The following PDE4D variants were observed in gnomAD, a reference collection of about 807,000 sequenced individuals.
PDE4D encodes 3',5'-cyclic-AMP phosphodiesterase 4D.
A neutral mutation model predicts 87.4 loss-of-function variants in PDE4D; 24 were observed. The ratio of observed to expected loss-of-function variants is 0.27; its 90% confidence interval spans 0.20 to 0.39. The LOEUF (loss-of-function observed/expected upper bound fraction) is 0.39. Ranked by LOEUF, PDE4D falls within the 10% of genes least tolerant of loss-of-function variation. PDE4D has a pLI of 1.00. For synonymous variants in PDE4D, 384 were observed against 383.2 expected (o/e 1.00, Z -0.02); for missense variants, 714 against 1,041.0 (o/e 0.69, Z 4.32).
chr5:59,897,043 A>C (rs1276017567), upstream of PDE4D, among the ~76,000 whole-genome samples: 1 of 152,230 alleles, frequency 6.6e-6, no homozygotes, highest in Non-Finnish European at 1.5e-5. Context: ...GATTTTTGTG[A>C]AGCATTGGGT....
intron 1 of PDE4D, among the ~76,000 whole-genome samples, chr5:59,237,372 T>G (rs889707070): frequency 1.3e-5 from 2 of 152,214 alleles, no homozygotes; most frequent in Non-Finnish European, 2.9e-5. Flanking sequence ...ATTTGCCAAT[T>G]TCTTTACATC....
intron 1 of PDE4D, among the ~76,000 whole-genome samples, chr5:59,219,173 A>G (rs138365025): frequency 3.7e-4 from 55 of 150,396 alleles, no homozygotes; most frequent in African/African-American, 1.3e-3. Flanking sequence ...GTGCACATGT[A>G]CCCTAAAACT....
At position 59,649,904 on chromosome 5, in the gene PDE4D, C is replaced by CTT. The variant is rs1561402852; in HGVS notation, c.455+243263_455+243264insAA. On this transcript the variant is annotated intron_variant, in intron 1 of 14. Transcript: ENST00000340635. ...TGTTAAAATGTTGATAGTTTGTGAA[C>CTT]CTTTTTTTTTTTTTTTTTTTTTTTT... 3.2e-4 allele frequency among the ~76,000 whole-genome samples: 24 copies of CTT among 73,974 alleles called. 6 individuals are homozygous for CTT. Among genetic ancestry groups the CTT allele is most frequent in the South Asian group, 1.7e-3 (3 of 1,726 alleles). 48.5% of individuals were successfully genotyped at this position (73,974 alleles called of 152,430 possible). A position where few individuals can be genotyped will look rare whatever the true frequency, so the allele number is the denominator to read the frequency against.
chr5:59,674,835 C>T (rs1171521424), intron 1 of PDE4D, among the ~76,000 whole-genome samples: 1 of 152,152 alleles, frequency 6.6e-6, no homozygotes, highest in Non-Finnish European at 1.5e-5. Context: ...GAAACAGGTG[C>T]TTTTGGCATT....
At chr5:59,627,939 A>G (rs553829419) in intron 1 of PDE4D, among the ~76,000 whole-genome samples, 119 of 152,334 alleles carry the variant, frequency 7.8e-4, no homozygotes, top group African/African-American at 2.8e-3. Flanking sequence ...AGTAAGGGAT[A>G]TCTCAGTTCA....
rs1349885843 is a variant in PDE4D, at chr5:59,396,836, C to G, written c.456-180868G>C. Among the ~76,000 whole-genome samples, 299 of 115,674 alleles carry G rather than the reference C, an allele frequency of 2.6e-3. 87 individuals are homozygous for G. Among genetic ancestry groups the G allele is most frequent in the African/African-American group, 0.01 (291 of 28,342 alleles). 75.9% of individuals were successfully genotyped at this position (115,674 alleles called of 152,430 possible). On this transcript the variant is annotated intron_variant, in intron 1 of 14. Coordinates refer to ENST00000340635, the MANE Select transcript of PDE4D (RefSeq NM_001104631.2). ...CATCAGTGTGCTGTATTCAGGAAACCCATCTCACATGCAGAGACACACATA... is the reference window on the plus strand; with the variant it reads ...CATCAGTGTGCTGTATTCAGGAAACGCATCTCACATGCAGAGACACACATA...
intron 1 of PDE4D, among the ~76,000 whole-genome samples, chr5:59,826,380 C>T (rs1300127210): frequency 5.9e-5 from 9 of 152,136 alleles, no homozygotes; most frequent in African/African-American, 1.9e-4. Context: ...GTATGAGATT[C>T]GCGTTGCTTC....
intron 1 of PDE4D, among the ~76,000 whole-genome samples, chr5:59,780,666 T>C (rs1042632118): frequency 6.6e-6 from 1 of 152,192 alleles, no homozygotes; most frequent in African/African-American, 2.4e-5. Context: ...TTTGTGTAAC[T>C]TTTTCCTTGA....
At chr5:59,934,293 T>G (rs1286382492) in intron 3 of PDE4D, among the ~76,000 whole-genome samples, 1 of 152,156 alleles carries the variant, frequency 6.6e-6, no homozygotes. Flanking sequence ...TAAAAGGCAT[T>G]GAGTTTTGTC....
chr5:59,671,055 T>C (rs1285842913), intron 1 of PDE4D, among the ~76,000 whole-genome samples: 1 of 152,206 alleles, frequency 6.6e-6, no homozygotes, highest in African/African-American at 2.4e-5. Context: ...AGTGTTTCCA[T>C]AGGTAGAGTA....
At chr5:59,843,981 A>G (rs1009315263) in intron 1 of PDE4D, among the ~76,000 whole-genome samples, 5 of 152,128 alleles carry the variant, frequency 3.3e-5, no homozygotes, top group African/African-American at 1.2e-4. Context: ...CTCAATGTTT[A>G]GTGATGAAAC....
At chr5:60,252,243 T>G (rs1009355504) in intron 1 of PDE4D, among the ~76,000 whole-genome samples, 1 of 151,972 alleles carries the variant, frequency 6.6e-6, no homozygotes, top group Non-Finnish European at 1.5e-5. Context: ...GATGGATATG[T>G]AAGCTAAAAA....
chr5:59,094,653 G>T (rs1769363429), intron 5 of PDE4D, among the ~76,000 whole-genome samples: 1 of 152,102 alleles, frequency 6.6e-6, no homozygotes, highest in Non-Finnish European at 1.5e-5. Flanking sequence ...AAAAGATCAG[G>T]ATTTCACCAA....
chr5:59,919,105 A>T (rs908775790), intron 3 of PDE4D, among the ~76,000 whole-genome samples: 8 of 152,096 alleles, frequency 5.3e-5, no homozygotes, highest in Admixed American at 1.3e-4. Context: ...AACCTTTTTT[A>T]AAAAAACAGG....
intron 2 of PDE4D, among the ~76,000 whole-genome samples, chr5:59,198,708 T>C (rs967004155): frequency 6.6e-6 from 1 of 151,922 alleles, no homozygotes; most frequent in African/African-American, 2.4e-5. Flanking sequence ...GACAGTAGAG[T>C]CAGGAACTTC....
chr5:59,952,153 C>T (rs1758359453), intron 3 of PDE4D, among the ~76,000 whole-genome samples: 1 of 152,146 alleles, frequency 6.6e-6, no homozygotes, highest in Non-Finnish European at 1.5e-5. Flanking sequence ...TCACTCTTCA[C>T]TCTTTTTCCT....
chr5:59,171,187 T>G (rs1167326827), intron 5 of PDE4D, among the ~76,000 whole-genome samples: 1 of 152,178 alleles, frequency 6.6e-6, no homozygotes, highest in Non-Finnish European at 1.5e-5. Flanking sequence ...TGGCTCATAC[T>G]TTCACTTTAA....
chr5:59,893,971 G>A (rs1751362820), upstream of PDE4D, among the ~76,000 whole-genome samples: 1 of 152,090 alleles, frequency 6.6e-6, no homozygotes, highest in Admixed American at 6.5e-5. Context: ...CGCCGGCGGC[G>A]AGAGCAGGGA....
intron 1 of PDE4D, among the ~76,000 whole-genome samples, chr5:59,696,429 A>G (rs1185692266): frequency 2.0e-5 from 3 of 152,224 alleles, no homozygotes; most frequent in African/African-American, 7.2e-5. Context: ...GGAGACAGAC[A>G]ATAAGCAATA....
Sources: allele counts gnomAD v4.1 joint callset (sites outside exome capture counted in the v4.1 genomes callset), GRCh38; gene constraint gnomAD v4.1.1; transcripts MANE v1.5; gene names NCBI Gene and HGNC (gene_info 2026-07-23, HGNC 2026-07-21).